Variants in NXN observed in about 807,000 individuals in gnomAD.
NXN encodes nucleoredoxin 1.
In NXN, 16 loss-of-function variants were observed where a neutral mutation model predicts 48.6. The observed-to-expected ratio is 0.33, with a 90% CI of 0.22 to 0.50. The LOEUF is 0.50. Ranked by LOEUF, NXN falls within the 20% of genes least tolerant of loss-of-function variation. NXN has a pLI of 0.98. For missense variants in NXN, 492 were observed against 605.5 expected, an observed-to-expected ratio of 0.81 and a Z score of 1.97; for synonymous variants, 281 against 269.6, an observed-to-expected ratio of 1.04 and a Z score of -0.41.
At chr17:872,405 G>A (rs549315672) in intron 1 of NXN, among the ~76,000 whole-genome samples, 11 of 151,360 alleles carry the variant, frequency 7.3e-5, no homozygotes, top group Admixed American at 5.9e-4. Context: ...ACACATCAAC[G>A]ACAAGGAGAC....
chr17:883,951 G>A (rs2068313657), intron 1 of NXN, among the ~76,000 whole-genome samples: 1 of 152,186 alleles, frequency 6.6e-6, no homozygotes, highest in Non-Finnish European at 1.5e-5. Flanking sequence ...GGGCGCGGTG[G>A]CTCACGCCTG....
chr17:872,101 T>C (rs747688), intron 1 of NXN, among the ~76,000 whole-genome samples: 17,621 of 152,010 alleles, frequency 0.12, 1,154 homozygotes, highest in African/African-American at 0.19. Context: ...CCAGGGATGA[T>C]GGAGAGTTCC....
intron 1 of NXN, chr17:842,434 C>A (rs901922791): frequency 1.1e-5 from 9 of 809,406 alleles, no homozygotes; most frequent in Middle Eastern, 6.2e-4. Flanking sequence ...CGGCTGTGGG[C>A]TGCAGTTCCG....
chr17:913,283 G>A (rs1413221728), intron 1 of NXN, among the ~76,000 whole-genome samples: 1 of 72,408 alleles, frequency 1.4e-5, no homozygotes, highest in Non-Finnish European at 4.1e-5. Context: ...ACCACTGCCA[G>A]CTCCCAAATG....
At chr17:856,175 A>C (rs2067983939) in intron 1 of NXN, among the ~76,000 whole-genome samples, 1 of 152,004 alleles carries the variant, frequency 6.6e-6, no homozygotes, top group Non-Finnish European at 1.5e-5. Flanking sequence ...CCTGGCAACA[A>C]AGTGAGACTC....
In NXN at chr17:917,428, CGGGA is replaced by C. The variant is rs1262563953; in HGVS notation, c.360+61887_360+61890del. On this transcript the variant is annotated intron_variant, in intron 1 of 7. Coordinates refer to ENST00000336868, the MANE Select transcript of NXN (RefSeq NM_022463.5). This position sits in a 1 kb window ranked among gnomAD's most constrained non-coding sequence, Gnocchi z 4.5. ...AGTGCTGGGCCTCTGAAAGAACAGG[CGGGA>C]GCCGCCGCTCACATCTTTACTCATG... Among the ~76,000 whole-genome samples the C allele has an allele frequency of 1.3e-5, 2 of 152,234 alleles. No homozygotes were observed. Among genetic ancestry groups the C allele is most frequent in the African/African-American group, 2.4e-5 (1 of 41,452 alleles).
At chr17:945,075 G>A (rs969173972) in intron 1 of NXN, among the ~76,000 whole-genome samples, 1 of 152,112 alleles carries the variant, frequency 6.6e-6, no homozygotes, top group Admixed American at 6.5e-5. Flanking sequence ...TGGGCAGCAA[G>A]TATTTCTCTT....
chr17:888,571 G>C (rs1211406674), intron 1 of NXN, among the ~76,000 whole-genome samples: 1 of 152,044 alleles, frequency 6.6e-6, no homozygotes, highest in Non-Finnish European at 1.5e-5. Flanking sequence ...TAGGTCTTCA[G>C]ACAATTGCTA....
intron 1 of NXN, among the ~76,000 whole-genome samples, chr17:852,979 T>C (rs1432299590): frequency 6.6e-6 from 1 of 151,802 alleles, no homozygotes; most frequent in Admixed American, 6.6e-5. Flanking sequence ...AAGTGTAAAT[T>C]TTTTCTTTTT....
intron 3 of NXN, 51 bp downstream of exon 3, chr17:823,581 G>T (rs963512226): frequency 6.2e-7 from 1 of 1,605,178 alleles, no homozygotes; most frequent in Non-Finnish European, 8.5e-7. Flanking sequence ...GGGCCTGCTG[G>T]GAACATCACT....
rs758707319 is a variant in NXN at position 979,429 on chromosome 17, G to A, written c.250C>T (p.Arg84Trp). The change falls in exon 1 of 8, where the codon CGG becomes TGG. Residue 84 changes from arginine to tryptophan, a missense_variant. Arg to Trp is a moderately radical substitution (Grantham distance 101, BLOSUM62 -3). Around this residue, in one of 3 missense-constraint regions of NXN, gnomAD observed 186 missense variants for 199.1 expected, o/e 0.93. Coordinates refer to ENST00000336868, the MANE Select transcript of NXN (RefSeq NM_022463.5). ...GACACGAAGACGATCTCCAGGCGCC[G>A]CCGCGGCTCGGGCTCCGCCGCCGCC... is the stretch of plus-strand genomic sequence containing the variant. Reference protein sequence around the residue: ...AGAAAEPEPRRRLEIVFVSSD... With the variant: ...AGAAAEPEPRWRLEIVFVSSD... 6.8e-6 allele frequency: 9 copies of A among 1,327,400 alleles called. No individual in the cohort carries two copies. The highest frequency in any genetic ancestry group is 7.8e-6 in the Non-Finnish European group (8 of 1,025,220). The allele number at this position is 1,327,400 out of a possible 1,614,324, so 82.2% of individuals were successfully genotyped here.
At chr17:806,730 TA>T (rs1911554805) in intron 5 of NXN, among the ~76,000 whole-genome samples, 1 of 152,114 alleles carries the variant, frequency 6.6e-6, no homozygotes, top group Non-Finnish European at 1.5e-5. Flanking sequence ...GATGCCGAGG[TA>T]CCAGACATAT....
intron 1 of NXN, among the ~76,000 whole-genome samples, chr17:883,394 G>C (rs1256430703): frequency 1.3e-5 from 2 of 152,088 alleles, no homozygotes; most frequent in African/African-American, 4.8e-5. Context: ...CTCACTGGCT[G>C]TTGTCAAAGT....
At chr17:945,163 C>G (rs1368272533) in intron 1 of NXN, among the ~76,000 whole-genome samples, 2 of 152,028 alleles carry the variant, frequency 1.3e-5, no homozygotes, top group East Asian at 4.0e-4. Context: ...CTCACTGTAA[C>G]CTCCGCCTCC....
At chr17:971,198 G>A (rs916651482) in intron 1 of NXN, among the ~76,000 whole-genome samples, 1 of 151,912 alleles carries the variant, frequency 6.6e-6, no homozygotes, top group Non-Finnish European at 1.5e-5. Flanking sequence ...CGCCCACCTC[G>A]GCTTCCCACA....
rs1048368046 is a variant in NXN, at chr17:932,471, A to G, written c.360+46848T>C. Among the ~76,000 whole-genome samples the G allele has an allele frequency of 1.3e-5, 2 of 152,336 alleles. No homozygotes were observed. Among genetic ancestry groups the G allele is most frequent in the East Asian group, 3.9e-4 (2 of 5,180 alleles). ...AGTTTGGAAACCGCAGGTCTTCAGC[A>G]AAACAAAACTCTGAGGCGGCGTTGG... On this transcript the variant is annotated intron_variant, in intron 1 of 7. Transcript: ENST00000336868. The surrounding 1 kb of genome is among the most constrained non-coding windows in gnomAD (Gnocchi z 4.1).
intron 1 of NXN, among the ~76,000 whole-genome samples, chr17:874,850 T>G (rs1407751010): frequency 4.6e-5 from 7 of 152,164 alleles, no homozygotes; most frequent in Non-Finnish European, 1.0e-4. Context: ...CACTCCTCCA[T>G]GAGAAAACCA....
chr17:897,130 A>G, intron 1 of NXN: 2 of 876,842 alleles, frequency 2.3e-6, no homozygotes, highest in Non-Finnish European at 2.8e-6. Context: ...CATGGGAGAA[A>G]GAAAACTACG....
intron 1 of NXN, among the ~76,000 whole-genome samples, chr17:940,923 G>A (rs1159495081): frequency 6.7e-6 from 1 of 148,668 alleles, no homozygotes; most frequent in South Asian, 2.1e-4. Flanking sequence ...ATTCCAGGGT[G>A]CAGCCATGAA....
Sources: gnomAD v4.1 joint callset for allele counts (sites outside exome capture counted in the v4.1 genomes callset) on GRCh38, gnomAD v4.1.1 for gene constraint, gnomAD v4.1.1 regional missense constraint, Gnocchi (gnomAD v3.1) non-coding constraint, MANE v1.5 for transcripts, NCBI Gene and HGNC (gene_info 2026-07-23, HGNC 2026-07-21) for gene names.